Variants in FAR2 observed in about 807,000 individuals in gnomAD.
FAR2 encodes fatty acyl-CoA reductase 2, also known as epididymis secretory protein Li 81.
Under a neutral mutation model 56.0 loss-of-function variants are expected in FAR2, and 19 were observed. That is an observed-to-expected ratio of 0.34 (90% confidence interval 0.24 to 0.50). FAR2 has a LOEUF of 0.50. Among genes scored for constraint, FAR2 ranks in the 20% least tolerant of loss-of-function variants. The pLI is 0.98. For synonymous variants in FAR2, 219 were observed against 218.8 expected (o/e 1.00, Z -0.01); for missense variants, 508 against 642.2 (o/e 0.79, Z 2.26).
intron 1 of FAR2, among the ~76,000 whole-genome samples, chr12:29,245,866 A>G (rs1403320161): frequency 6.6e-6 from 1 of 151,890 alleles, no homozygotes; most frequent in Non-Finnish European, 1.5e-5. Flanking sequence ...CAACATCACT[A>G]CCCCAAATAC....
At chr12:29,206,895 G>A (rs1260093089) in intron 1 of FAR2, among the ~76,000 whole-genome samples, 2 of 151,990 alleles carry the variant, frequency 1.3e-5, no homozygotes, top group African/African-American at 4.8e-5. Flanking sequence ...GGACATAAGG[G>A]CCATCTGGAA....
chr12:29,209,247 G>A (rs1295031539), intron 1 of FAR2, among the ~76,000 whole-genome samples: 1 of 152,148 alleles, frequency 6.6e-6, no homozygotes, highest in East Asian at 1.9e-4. Flanking sequence ...AGTGTTTTCA[G>A]CAGTTATTGC....
At chr12:29,274,124 T>C (rs981385932) in intron 2 of FAR2, among the ~76,000 whole-genome samples, 4 of 152,020 alleles carry the variant, frequency 2.6e-5, no homozygotes, top group African/African-American at 4.8e-5. Context: ...ACGTGTGCCA[T>C]GTTGGTGTGC....
At position 29,333,930 on chromosome 12, in the gene FAR2, T is replaced by A. The variant is rs905354326; in HGVS notation, c.*136T>A. ...TCACCTGTTATGTATTCGTCCCTATTCCTTAACTATGTATTTTTATTTCAG... is the reference window on the plus strand; with the variant it reads ...TCACCTGTTATGTATTCGTCCCTATACCTTAACTATGTATTTTTATTTCAG... On this transcript the variant is annotated 3_prime_UTR_variant, in exon 12 of 12. Transcript: ENST00000536681. 2 of 707,000 alleles carry A rather than the reference T, an allele frequency of 2.8e-6. No individual in the cohort carries two copies. The highest frequency in any genetic ancestry group is 4.4e-6 in the Non-Finnish European group (2 of 451,526). The allele number at this position is 707,000 out of a possible 1,614,324, so 43.8% of individuals were successfully genotyped here.
intron 2 of FAR2, among the ~76,000 whole-genome samples, chr12:29,283,016 A>T (rs1165094445): frequency 9.2e-5 from 14 of 152,174 alleles, no homozygotes; most frequent in Non-Finnish European, 1.6e-4. Flanking sequence ...TTAAGGTGTC[A>T]CTCCAAGACA....
At chr12:29,170,577 GTC>G (rs1170210040) in intron 1 of FAR2, among the ~76,000 whole-genome samples, 2 of 151,630 alleles carry the variant, frequency 1.3e-5, no homozygotes, top group Non-Finnish European at 2.9e-5. Context: ...TTTCTTCTTT[GTC>G]TCTCTCTTTC....
intron 1 of FAR2, among the ~76,000 whole-genome samples, chr12:29,201,756 T>C (rs188310993): frequency 3.0e-4 from 46 of 152,370 alleles, no homozygotes; most frequent in African/African-American, 1.1e-3. Context: ...CATGTCACTA[T>C]ATAAAATTGA....
intron 2 of FAR2, among the ~76,000 whole-genome samples, chr12:29,278,536 G>A (rs1436230141): frequency 6.6e-6 from 1 of 151,188 alleles, no homozygotes; most frequent in Admixed American, 6.6e-5. Context: ...TTTAAGACAT[G>A]GTGGTCTCAC....
intron 1 of FAR2, among the ~76,000 whole-genome samples, chr12:29,260,145 A>G (rs949003467): frequency 6.6e-6 from 1 of 152,246 alleles, no homozygotes; most frequent in African/African-American, 2.4e-5. Context: ...AAGTTGTAAC[A>G]TATGAAATTG....
intron 1 of FAR2, among the ~76,000 whole-genome samples, chr12:29,260,464 A>G (rs1948398217): frequency 6.6e-6 from 1 of 152,194 alleles, no homozygotes; most frequent in Non-Finnish European, 1.5e-5. Context: ...CAAAGCACTC[A>G]GTGTACTCTG....
intron 1 of FAR2, among the ~76,000 whole-genome samples, chr12:29,185,723 G>A (rs1348632189): frequency 1.3e-5 from 2 of 152,148 alleles, no homozygotes; most frequent in Non-Finnish European, 2.9e-5. Flanking sequence ...TGTACCCCAG[G>A]AGCATTTGGT....
chr12:29,319,851 A>G (rs1225629944), intron 9 of FAR2, among the ~76,000 whole-genome samples: 4 of 152,208 alleles, frequency 2.6e-5, no homozygotes, highest in Admixed American at 2.6e-4. Flanking sequence ...TAAAATTTTT[A>G]TGTGGTAAAA....
intron 3 of FAR2, among the ~76,000 whole-genome samples, chr12:29,294,795 A>T (rs1168335612): frequency 6.6e-6 from 1 of 152,214 alleles, no homozygotes; most frequent in Non-Finnish European, 1.5e-5. Context: ...ATCCATTTAT[A>T]AAGTATTTAC....
At chr12:29,216,774 T>C (rs1000438611) in intron 1 of FAR2, among the ~76,000 whole-genome samples, 5 of 152,212 alleles carry the variant, frequency 3.3e-5, no homozygotes, top group African/African-American at 1.2e-4. Flanking sequence ...TCCAAAAATA[T>C]ACCAAAATAT....
At chr12:29,212,799 A>G (rs1391276821) in intron 1 of FAR2, among the ~76,000 whole-genome samples, 1 of 152,238 alleles carries the variant, frequency 6.6e-6, no homozygotes, top group African/African-American at 2.4e-5. Flanking sequence ...CATGGTTAGC[A>G]GAATCGTTTT....
chr12:29,286,394 C>T (rs1948877315), intron 2 of FAR2, among the ~76,000 whole-genome samples: 1 of 152,116 alleles, frequency 6.6e-6, no homozygotes, highest in African/African-American at 2.4e-5. Flanking sequence ...CATTGCCTCC[C>T]CTAGGAAATT....
At chr12:29,166,547 A>G (rs1348498122) in intron 1 of FAR2, among the ~76,000 whole-genome samples, 1 of 152,206 alleles carries the variant, frequency 6.6e-6, no homozygotes, top group Non-Finnish European at 1.5e-5. Context: ...CCTGATATTT[A>G]TCAAATATGT....
At chr12:29,310,093 C>A (rs1421470543) in intron 6 of FAR2, among the ~76,000 whole-genome samples, 1 of 152,186 alleles carries the variant, frequency 6.6e-6, no homozygotes, top group African/African-American at 2.4e-5. Flanking sequence ...CTAGCAGCCC[C>A]TTTCTTTCTG....
At chr12:29,243,072 G>A (rs2059362) in intron 1 of FAR2, among the ~76,000 whole-genome samples, 89,995 of 152,036 alleles carry the variant, frequency 0.59, 27,821 homozygotes, top group African/African-American at 0.78. Context: ...AGTGGAAAAC[G>A]GGAAGGCTTC....
Sources: gnomAD v4.1 joint callset for allele counts (sites outside exome capture counted in the v4.1 genomes callset) on GRCh38, gnomAD v4.1.1 for gene constraint, MANE v1.5 for transcripts, NCBI Gene and HGNC (gene_info 2026-07-23, HGNC 2026-07-21) for gene names.